STOX2: variants seen among roughly 807,000 people sequenced by gnomAD.
STOX2 encodes storkhead-box protein 2.
STOX2 carries 28 observed loss-of-function variants against 60.9 expected under a neutral mutation model. The ratio of observed to expected loss-of-function variants is 0.46; its 90% CI spans 0.34 to 0.63. STOX2 has a LOEUF of 0.63. Ranked by LOEUF, STOX2 falls within the 30% of genes least tolerant of loss-of-function variation. STOX2 has a pLI of 0.01. For missense variants in STOX2, 1,024 were observed against 1,187.7 expected (o/e 0.86, Z 2.03); for synonymous variants, 472 against 463.9 (o/e 1.02, Z -0.22).
At chr4:183,869,315 A>G (rs140273100) in intron 1 of STOX2, among the ~76,000 whole-genome samples, 3 of 152,332 alleles carry the variant, frequency 2.0e-5, no homozygotes, top group African/African-American at 7.2e-5. Context: ...TGTCATTGAG[A>G]GCTGTTCAGA....
chr4:183,963,678 G>A (rs1469545494), intron 1 of STOX2, among the ~76,000 whole-genome samples: 11 of 151,292 alleles, frequency 7.3e-5, no homozygotes, highest in Admixed American at 5.3e-4. Context: ...CGCCTGCCTC[G>A]GCCTCCCAAA....
chr4:183,804,256 G>T (rs972877987), intron 1 of STOX2, among the ~76,000 whole-genome samples: 1 of 152,204 alleles, frequency 6.6e-6, no homozygotes, highest in Non-Finnish European at 1.5e-5. Flanking sequence ...AAGTGATAGA[G>T]CCGGGATGTG....
intron 1 of STOX2, among the ~76,000 whole-genome samples, chr4:183,931,353 T>C (rs7676462): frequency 0.027 from 4,076 of 152,114 alleles, 174 homozygotes; most frequent in African/African-American, 0.093. Context: ...GAACCCAGAA[T>C]GTGGAGGTTG....
At chr4:183,936,181 A>G (rs1238603062) in intron 1 of STOX2, among the ~76,000 whole-genome samples, 1 of 152,048 alleles carries the variant, frequency 6.6e-6, no homozygotes, top group Non-Finnish European at 1.5e-5. Context: ...GTACTTCTGC[A>G]GTCTTCCTCC....
chr4:183,877,000 C>T (rs1740844524), intron 1 of STOX2, among the ~76,000 whole-genome samples: 2 of 152,128 alleles, frequency 1.3e-5, no homozygotes, highest in Admixed American at 1.3e-4. Flanking sequence ...CTCTATAGGG[C>T]CACCACTCGG....
chr4:183,809,545 C>T (rs28530521), intron 1 of STOX2, among the ~76,000 whole-genome samples: 3 of 152,074 alleles, frequency 2.0e-5, no homozygotes, highest in African/African-American at 4.8e-5. Context: ...ATTCCAGGCA[C>T]GTGCCATCAC....
intron 1 of STOX2, among the ~76,000 whole-genome samples, chr4:183,934,678 C>G (rs558777369): frequency 7.9e-5 from 12 of 151,956 alleles, no homozygotes; most frequent in Non-Finnish European, 1.8e-4. Flanking sequence ...TTTTTTCAAA[C>G]AACAACAACA....
intron 1 of STOX2, among the ~76,000 whole-genome samples, chr4:183,898,450 CAT>C (rs1446235131): frequency 6.6e-6 from 1 of 152,140 alleles, no homozygotes; most frequent in Admixed American, 6.5e-5. Flanking sequence ...TTTGATTGTC[CAT>C]GGAGCATTCA....
chr4:183,825,043 G>T lies in STOX2; in HGVS notation c.364+26988G>T, dbSNP rs1036866881. On this transcript the variant is annotated intron_variant, in intron 1 of 2. Coordinates refer to the STOX2 transcript ENST00000513034. The surrounding 1 kb of genome is among the most constrained non-coding windows in gnomAD (Gnocchi z 4.1). ...CTCCTCACACAATCTTGGGCTTGGG[G>T]ATCGGGGAGGAACATGGTGGATAAT... Among the ~76,000 whole-genome samples the T allele has an allele frequency of 6.6e-6, 1 of 152,216 alleles. No homozygotes were observed. Among genetic ancestry groups the T allele is most frequent in the Non-Finnish European group, 1.5e-5 (1 of 68,028 alleles).
intron 1 of STOX2, among the ~76,000 whole-genome samples, chr4:183,829,539 C>T (rs113599214): frequency 6.6e-6 from 1 of 152,196 alleles, no homozygotes; most frequent in Non-Finnish European, 1.5e-5. Context: ...TTTGGTGGCA[C>T]GTCTCCCTCA....
rs113016739 is a variant in STOX2 at position 183,932,559 on chromosome 4, AT to A, written c.166+25610del. Among the ~76,000 whole-genome samples, 336 of 151,958 alleles carry A rather than the reference AT, an allele frequency of 2.2e-3. 2 individuals are homozygous for A. The highest frequency in any genetic ancestry group is 7.4e-3 in the African/African-American group (308 of 41,398). ...TATACAGTAGAAATGTTTGGCAGGC[AT>A]TTTTTTCCTTTCTGTGTTAACCTCA... On this transcript the variant is annotated intron_variant, in intron 1 of 3. Coordinates refer to ENST00000308497, the MANE Select transcript of STOX2 (RefSeq NM_020225.3).
chr4:183,835,084 T>C (rs1216135973), intron 1 of STOX2, among the ~76,000 whole-genome samples: 1 of 151,768 alleles, frequency 6.6e-6, no homozygotes, highest in African/African-American at 2.4e-5. Flanking sequence ...TTCTAGCTCC[T>C]CTTCTTAACA....
intron 1 of STOX2, among the ~76,000 whole-genome samples, chr4:183,841,459 C>T (rs1305264095): frequency 6.6e-6 from 1 of 152,086 alleles, no homozygotes; most frequent in Non-Finnish European, 1.5e-5. Context: ...AAGATGCTCC[C>T]TCCTCGGCCT....
chr4:183,841,714 A>T (rs981508142), intron 1 of STOX2, among the ~76,000 whole-genome samples: 2 of 152,248 alleles, frequency 1.3e-5, no homozygotes, highest in African/African-American at 2.4e-5. Flanking sequence ...TTATTAAGGC[A>T]TTCCAAAATA....
intron 1 of STOX2, among the ~76,000 whole-genome samples, chr4:183,907,183 G>T (rs1362017946): frequency 6.6e-6 from 1 of 152,114 alleles, no homozygotes; most frequent in Non-Finnish European, 1.5e-5. Context: ...ACGAGGGAGG[G>T]GGGACGAGCC....
intron 1 of STOX2, among the ~76,000 whole-genome samples, chr4:183,946,719 A>G (rs1742903262): frequency 6.7e-6 from 1 of 149,668 alleles, no homozygotes; most frequent in East Asian, 2.0e-4. Context: ...TCCGCCTCCC[A>G]GCTTCAAGCA....
chr4:183,933,483 G>A (rs1317793499), intron 1 of STOX2, among the ~76,000 whole-genome samples: 1 of 152,082 alleles, frequency 6.6e-6, no homozygotes, highest in African/African-American at 2.4e-5. Context: ...CCACCTCCTG[G>A]GTTCAAGGGA....
chr4:183,944,044 C>CAA (rs1217246690), intron 1 of STOX2, among the ~76,000 whole-genome samples: 2 of 152,172 alleles, frequency 1.3e-5, no homozygotes, highest in Non-Finnish European at 2.9e-5. Flanking sequence ...GACAGACAGA[C>CAA]AAATGCAAGA....
At chr4:183,857,779 G>A (rs1387195192) in intron 1 of STOX2, among the ~76,000 whole-genome samples, 1 of 152,054 alleles carries the variant, frequency 6.6e-6, no homozygotes, top group Non-Finnish European at 1.5e-5. Context: ...TTTCTGGAAA[G>A]CTGCTCTGTC....
Sources: allele counts gnomAD v4.1 joint callset (sites outside exome capture counted in the v4.1 genomes callset), GRCh38; gene constraint gnomAD v4.1.1; non-coding constraint Gnocchi (gnomAD v3.1); transcripts MANE v1.5; gene names NCBI Gene and HGNC (gene_info 2026-07-23, HGNC 2026-07-21).